The following GPM6A variants were observed in gnomAD, a reference collection of about 807,000 sequenced individuals.
The protein encoded by GPM6A is glycoprotein M6A.
In GPM6A, 7 loss-of-function variants were observed where a neutral mutation model predicts 32.1. That is an observed-to-expected ratio of 0.22 (90% CI 0.12 to 0.41). The LOEUF is 0.41. Ranked by LOEUF, GPM6A falls within the 10% of genes least tolerant of loss-of-function variation. The pLI, the probability that GPM6A is intolerant of heterozygous loss-of-function variation, is 1.00. For missense variants in GPM6A, 235 were observed against 347.2 expected, an observed-to-expected ratio of 0.68 and a Z score of 2.57; for synonymous variants, 130 against 123.4, an observed-to-expected ratio of 1.05 and a Z score of -0.35.
rs191819500 is a variant in GPM6A at position 175,845,276 on chromosome 4, G to A, written c.-22-33027C>T. 7.2e-5 allele frequency among the ~76,000 whole-genome samples: 11 copies of A among 152,142 alleles called. No homozygotes were observed. In the East Asian group the frequency reaches 1.5e-3, roughly 21 times the overall value. On this transcript the variant is annotated intron_variant, in intron 1 of 7. Transcript: ENST00000280187. ...TTCTCAGCATAGAGTTTATAATTAC[G>A]ATAAATACACACAAGTTGCCATAGT...
chr4:175,732,621 T>C (rs114953125), intron 1 of GPM6A, among the ~76,000 whole-genome samples: 3,432 of 152,226 alleles, frequency 0.023, 137 homozygotes, highest in African/African-American at 0.075. Context: ...AACGTACAAA[T>C]AATGAGAATT....
At chr4:175,770,116 TC>T (rs1206465458) in intron 1 of GPM6A, among the ~76,000 whole-genome samples, 1 of 152,186 alleles carries the variant, frequency 6.6e-6, no homozygotes, top group African/African-American at 2.4e-5. Flanking sequence ...AACCTCTGCC[TC>T]CCAGGTTCAA....
chr4:175,705,707 C>G (rs1327464619), intron 1 of GPM6A, among the ~76,000 whole-genome samples: 1 of 152,090 alleles, frequency 6.6e-6, no homozygotes, highest in South Asian at 2.1e-4. Context: ...GGCTGCGGAT[C>G]TTGCTGCCCC....
intron 1 of GPM6A, among the ~76,000 whole-genome samples, chr4:175,862,640 C>T (rs111918919): frequency 5.9e-5 from 9 of 152,078 alleles, no homozygotes; most frequent in African/African-American, 1.9e-4. Context: ...CTTTGGAGCA[C>T]GTGGCAATGT....
At chr4:175,864,810 TTTTTTTC>T (rs1736680700) in intron 1 of GPM6A, among the ~76,000 whole-genome samples, 1 of 152,030 alleles carries the variant, frequency 6.6e-6, no homozygotes, top group African/African-American at 2.4e-5. Context: ...TTTTATTTCA[TTTTTTTC>T]TTTTTTCTTC....
At chr4:175,900,670 G>A (rs527562970) in intron 1 of GPM6A, among the ~76,000 whole-genome samples, 2 of 152,252 alleles carry the variant, frequency 1.3e-5, no homozygotes, top group Admixed American at 6.5e-5. Context: ...TACACTGTTG[G>A]TGGGAATATA....
chr4:175,681,434 T>A (rs1272122835), intron 2 of GPM6A, among the ~76,000 whole-genome samples: 2 of 152,222 alleles, frequency 1.3e-5, no homozygotes, highest in African/African-American at 4.8e-5. Context: ...CCATAAGATT[T>A]GTGGTCCTCT....
intron 1 of GPM6A, among the ~76,000 whole-genome samples, chr4:175,871,218 C>A (rs1736896033): frequency 6.6e-6 from 1 of 152,092 alleles, no homozygotes; most frequent in Non-Finnish European, 1.5e-5. Flanking sequence ...CCTGTAATCC[C>A]AGCACTTTGG....
At chr4:175,774,560 A>T (rs529767652) in intron 1 of GPM6A, among the ~76,000 whole-genome samples, 5 of 152,246 alleles carry the variant, frequency 3.3e-5, no homozygotes, top group African/African-American at 1.2e-4. Flanking sequence ...CCAACAATAC[A>T]TACATTCTTA....
At chr4:175,755,911 C>G (rs1732505980) in intron 1 of GPM6A, among the ~76,000 whole-genome samples, 1 of 152,134 alleles carries the variant, frequency 6.6e-6, no homozygotes, top group Admixed American at 6.6e-5. Context: ...ATTGACATCA[C>G]AAGACCTGCA....
intron 1 of GPM6A, among the ~76,000 whole-genome samples, chr4:175,897,225 G>T (rs1737822940): frequency 6.6e-6 from 1 of 152,106 alleles, no homozygotes; most frequent in Admixed American, 6.5e-5. Flanking sequence ...AGTGCAAGTG[G>T]CTGAAACCAG....
At chr4:175,958,651 G>T (rs944369954) in intron 1 of GPM6A, among the ~76,000 whole-genome samples, 4 of 152,172 alleles carry the variant, frequency 2.6e-5, no homozygotes, top group Admixed American at 2.0e-4. Context: ...CACTTTGAGT[G>T]TATATTAGCA....
At chr4:175,670,409 A>C (rs1742989458) in intron 3 of GPM6A, among the ~76,000 whole-genome samples, 1 of 152,226 alleles carries the variant, frequency 6.6e-6, no homozygotes, top group African/African-American at 2.4e-5. Flanking sequence ...TGACACACTG[A>C]AGGTCTCCTA....
chr4:175,771,760 G>A (rs1029232547), intron 1 of GPM6A, among the ~76,000 whole-genome samples: 1 of 152,022 alleles, frequency 6.6e-6, no homozygotes, highest in Non-Finnish European at 1.5e-5. Flanking sequence ...TACTGCATCA[G>A]GCATGGAGCG....
At chr4:175,709,954 G>A (rs897593692) in intron 1 of GPM6A, among the ~76,000 whole-genome samples, 2 of 151,738 alleles carry the variant, frequency 1.3e-5, no homozygotes, top group Non-Finnish European at 2.9e-5. Context: ...CTAGACTCTA[G>A]GTAGTACATG....
intron 1 of GPM6A, among the ~76,000 whole-genome samples, chr4:175,898,778 G>C (rs1365470594): frequency 6.6e-6 from 1 of 152,008 alleles, no homozygotes; most frequent in Non-Finnish European, 1.5e-5. Context: ...TATACAAATA[G>C]CCATCAAAGT....
chr4:175,931,707 CACAT>C lies in GPM6A; in HGVS notation c.-23+70598_-23+70601del, dbSNP rs750479805. ...ACACACACACACACACACACACACA[CACAT>C]ATATATATATATATATAGCAGAATT... On this transcript the variant is annotated intron_variant, in intron 1 of 7. Coordinates refer to the GPM6A transcript ENST00000280187. Among the ~76,000 whole-genome samples the C allele has an allele frequency of 2.4e-3, 346 of 143,776 alleles. 1 individual carries two copies. Among genetic ancestry groups the C allele is most frequent in the African/African-American group, 6.4e-3 (233 of 36,504 alleles). The allele number at this position is 143,776 out of a possible 152,430, so 94.3% of individuals were successfully genotyped here.
chr4:175,993,992 T>C (rs1197321479), intron 1 of GPM6A, among the ~76,000 whole-genome samples: 1 of 152,212 alleles, frequency 6.6e-6, no homozygotes, highest in East Asian at 1.9e-4. Context: ...CCTTTTCCAA[T>C]TTCCCTTATT....
chr4:175,727,651 C>T (rs1731236861), intron 1 of GPM6A, among the ~76,000 whole-genome samples: 1 of 152,146 alleles, frequency 6.6e-6, no homozygotes. Flanking sequence ...AATACACTGC[C>T]TGAATGTTAC....
Sources: allele counts gnomAD v4.1 joint callset (sites outside exome capture counted in the v4.1 genomes callset), GRCh38; gene constraint gnomAD v4.1.1; transcripts MANE v1.5; gene names NCBI Gene and HGNC (gene_info 2026-07-23, HGNC 2026-07-21).